Variants in BICDL2 observed in about 807,000 individuals in gnomAD.
BICDL2 encodes BICD family-like cargo adapter 2.
In BICDL2, 62 loss-of-function variants were observed where a neutral mutation model predicts 56.6. The ratio of observed to expected loss-of-function variants is 1.10; its 90% CI spans 0.89 to 1.35. The LOEUF is 1.35. BICDL2 is among the 40% of genes most tolerant of loss of function. The pLI is 0.00. For missense variants in BICDL2, 808 were observed against 684.5 expected, an observed-to-expected ratio of 1.18 and a Z score of -2.01; for synonymous variants, 358 against 319.8, an observed-to-expected ratio of 1.12 and a Z score of -1.27.
Position 3,027,772 on chromosome 16 carries a change from A to G in BICDL2, c.*334T>C. On this transcript the variant is annotated 3_prime_UTR_variant, in exon 10 of 10. Coordinates refer to ENST00000572449, the MANE Select transcript of BICDL2 (RefSeq NM_001369667.1). ...TTTACCATGCTCTTTCTTTCTATGA[A>G]TGGGGGCCAAATCGGTGGAGTGATT... The G allele has an allele frequency of 8.5e-7, 1 of 1,177,148 alleles. No homozygotes were observed. The highest frequency in any genetic ancestry group is 2.5e-5 in the East Asian group (1 of 39,458). The allele number at this position is 1,177,148 out of a possible 1,614,324, so 72.9% of individuals were successfully genotyped here.
In BICDL2 at chr16:3,029,711, TC is replaced by T. The variant is rs1955625206; in HGVS notation, c.790del (p.Glu264ArgfsTer3). On this transcript the variant is annotated frameshift_variant, in exon 6 of 10. Coordinates refer to ENST00000572449, the MANE Select transcript of BICDL2 (RefSeq NM_001369667.1). LOFTEE classifies it high-confidence loss of function. The stretch of plus-strand genomic sequence containing the variant: ...CAGCCTCCGCAGCGCACTCAGCGCC[TC>T]CCCAGCCTCTGACCGTGCGCGTTCC... ...ELERARSEAG[E>X]ALSALRRLQR... The T allele has an allele frequency of 1.9e-6, 3 of 1,539,216 alleles. No individual in the cohort carries two copies. Among genetic ancestry groups the T allele is most frequent in the African/African-American group, 2.7e-5 (2 of 72,876 alleles).
chr16:3,033,541 G>A (rs981833437), intron 2 of BICDL2, among the ~76,000 whole-genome samples: 7 of 152,286 alleles, frequency 4.6e-5, no homozygotes, highest in South Asian at 2.1e-4. Context: ...AACACTTTGG[G>A]AGGCTGAGGC....
At chr16:3,029,822 G>T in intron 5 of BICDL2, 83 bp from the exon 6 acceptor site, 1 of 1,251,532 alleles carries the variant, frequency 8.0e-7, no homozygotes, top group Non-Finnish European at 1.1e-6. Flanking sequence ...TCCACACGGG[G>T]GTGCCGCGGA....
chr16:3,028,646 A>G, intron 8 of BICDL2, 54 bp downstream of exon 8: 1 of 1,540,068 alleles, frequency 6.5e-7, no homozygotes, highest in Non-Finnish European at 8.8e-7. Context: ...AGGAATCAGG[A>G]GCCCAGGAGG....
At chr16:3,036,779 C>A in intron 1 of BICDL2, 115 bp downstream of exon 1, 1 of 356,482 alleles carries the variant, frequency 2.8e-6, no homozygotes, top group Non-Finnish European at 5.5e-6. Context: ...GGTTCCCCGG[C>A]GATCCCGGTT....
intron 1 of BICDL2, chr16:3,036,426 C>T (rs1318541403): frequency 2.2e-6 from 1 of 455,998 alleles, no homozygotes; most frequent in Non-Finnish European, 4.4e-6. Context: ...ACAGCTTTAC[C>T]AGCCCCAGCC....
chr16:3,028,411 A>T lies in BICDL2; in HGVS notation c.1296T>A (p.Ser432=). ...NRVSLERDSL[S]RELLRAIRQK... is the part of the protein sequence containing the mutation. The stretch of plus-strand genomic sequence containing the variant: ...GGCGGATGGCGCGCAGCAGCTCCCG[A>T]GACAGGGAGTCTCGCTCCAGCGAGA... The change falls in exon 9 of 10, where the codon TCT becomes TCA. Residue 432 remains serine (S), a synonymous_variant. Coordinates refer to ENST00000572449, the MANE Select transcript of BICDL2 (RefSeq NM_001369667.1). The T allele has an allele frequency of 6.4e-7, 1 of 1,556,744 alleles. No homozygotes were observed. The highest frequency in any genetic ancestry group is 2.4e-5 in the East Asian group (1 of 42,540).
At chr16:3,030,400 C>G (rs571410344) in intron 5 of BICDL2, 49 bp downstream of exon 5, 146 of 1,582,354 alleles carry the variant, frequency 9.2e-5, no homozygotes, top group Non-Finnish European at 1.1e-4. Context: ...AGCCCTGAAG[C>G]CATTGCTAAG....
At position 3,028,160 on chromosome 16, in the gene BICDL2, G is replaced by C; in HGVS notation, c.1473C>G (p.Arg491=). The change falls in exon 10 of 10, where the codon CGC becomes CGG. Residue 491 remains arginine (R), a synonymous_variant. Transcript: ENST00000572449. ...PRRAAPRFSL[R]LGPGPAGGFL... Reference sequence around the variant, plus strand: ...AGCCACCGGCGGGCCCGGGGCCCAGGCGCAGCGAGAAGCGGGGCGCGGCAC... The same window carrying C: ...AGCCACCGGCGGGCCCGGGGCCCAGCCGCAGCGAGAAGCGGGGCGCGGCAC... 1 of 1,447,266 alleles carries C rather than the reference G, an allele frequency of 6.9e-7. No individual in the cohort carries two copies. Among genetic ancestry groups the C allele is most frequent in the Non-Finnish European group, 9.0e-7 (1 of 1,108,220 alleles). The allele number at this position is 1,447,266 out of a possible 1,614,324, so 89.7% of individuals were successfully genotyped here.
At position 3,035,652 on chromosome 16, in the gene BICDL2, G is replaced by A. The variant is rs1259693183; in HGVS notation, c.-30-126C>T. 7.5e-6 allele frequency: 6 copies of A among 804,264 alleles called. No homozygotes were observed. The East Asian group carries it at 1.1e-4, about 14-fold the overall frequency. The allele number at this position is 804,264 out of a possible 1,614,324, so 49.8% of individuals were successfully genotyped here. A position where few individuals can be genotyped will look rare whatever the true frequency, so the allele number is the denominator to read the frequency against. On this transcript the variant is annotated intron_variant, in intron 1 of 9. Coordinates refer to ENST00000572449, the MANE Select transcript of BICDL2 (RefSeq NM_001369667.1). ...CAGCCAGGGCTTCCTGGGCCACAAA[G>A]GGTTAATGACCTGTGTTTTGGCTAC...
chr16:3,028,516 G>A (rs1190724618), intron 8 of BICDL2, 48 bp from the exon 9 acceptor site: 14 of 1,559,322 alleles, frequency 9.0e-6, no homozygotes, highest in Non-Finnish European at 1.2e-5. Context: ...TAGGGCCTCA[G>A]GGAGCCGGGG....
chr16:3,036,667 G>A (rs1429563345), intron 1 of BICDL2: 12 of 444,658 alleles, frequency 2.7e-5, no homozygotes, highest in Non-Finnish European at 4.5e-5. Context: ...CTCCCCTTCC[G>A]CACCTAGCTG....
Position 3,030,859 on chromosome 16 carries a change from A to G in BICDL2, c.499-47T>C, listed in dbSNP as rs186338425. On this transcript the variant is annotated intron_variant, in intron 3 of 9. Coordinates refer to ENST00000572449, the MANE Select transcript of BICDL2 (RefSeq NM_001369667.1). Reference sequence around the variant, plus strand: ...CAGAGGAGCCTCAGCACCAAGCCCAATGCACCTACTCCCCGCTGGGGACCC... The same window carrying G: ...CAGAGGAGCCTCAGCACCAAGCCCAGTGCACCTACTCCCCGCTGGGGACCC... The G allele has an allele frequency of 6.4e-3, 10,028 of 1,564,830 alleles. 53 individuals are homozygous for G. The highest frequency in any genetic ancestry group is 7.7e-3 in the Non-Finnish European group (8,862 of 1,158,256).
At chr16:3,035,571 GC>G in intron 1 of BICDL2, 45 bp from the exon 2 acceptor site, 2 of 1,487,562 alleles carry the variant, frequency 1.3e-6, no homozygotes, top group Non-Finnish European at 1.8e-6. Context: ...CTCACCCTCC[GC>G]CCAGCACCTG....
intron 2 of BICDL2, chr16:3,032,655 G>C (rs1274055466): frequency 6.6e-6 from 1 of 152,270 alleles, no homozygotes; most frequent in Non-Finnish European, 1.5e-5. Flanking sequence ...CGTCATGTTT[G>C]AGTCGACTTC....
At chr16:3,035,171 TCCCCTGCCCACCCACCCACCCA>T in intron 2 of BICDL2, 22 bp downstream of exon 2, 1 of 266,038 alleles carries the variant, frequency 3.8e-6, no homozygotes, top group Non-Finnish European at 6.7e-6. Flanking sequence ...CCACCCGTCC[TCCCCTGCCCACCCACCCACCCA>T]CCCCGTCCAG....
In BICDL2 at chr16:3,028,292, G is replaced by C. The variant is rs888004868; in HGVS notation, c.1360-19C>G. 6 of 1,494,614 alleles carry C rather than the reference G, an allele frequency of 4.0e-6. No individual in the cohort carries two copies. The highest frequency in any genetic ancestry group is 1.3e-5 in the South Asian group (1 of 76,722). 92.6% of individuals were successfully genotyped at this position (1,494,614 alleles called of 1,614,324 possible). On this transcript the variant is annotated intron_variant, in intron 9 of 9. Transcript: ENST00000572449. ...TGTCGTCCTGCGGGAGGCCGTGGTCGGCTCAGCGCCGGTCCCGCCCCTTGC... is the reference window on the plus strand; with the variant it reads ...TGTCGTCCTGCGGGAGGCCGTGGTCCGCTCAGCGCCGGTCCCGCCCCTTGC...
At chr16:3,030,410 G>A in intron 5 of BICDL2, 39 bp downstream of exon 5, 1 of 1,590,386 alleles carries the variant, frequency 6.3e-7, no homozygotes, top group Non-Finnish European at 8.5e-7. Context: ...CCATTGCTAA[G>A]GGTCCAGGCA....
intron 5 of BICDL2, 72 bp downstream of exon 5, chr16:3,030,377 T>A: frequency 1.3e-6 from 2 of 1,538,438 alleles, no homozygotes; most frequent in Non-Finnish European, 1.7e-6. Flanking sequence ...AGCTCCGGCC[T>A]CATCTCCCAG....
Sources: allele counts gnomAD v4.1 joint callset (sites outside exome capture counted in the v4.1 genomes callset), GRCh38; gene constraint gnomAD v4.1.1; transcripts MANE v1.5; gene names NCBI Gene and HGNC (gene_info 2026-07-23, HGNC 2026-07-21).